The following GFRA1 variants were observed in gnomAD, a reference collection of about 807,000 sequenced individuals.
GFRA1 encodes the protein GDNF family receptor alpha-1.
A neutral mutation model predicts 51.6 loss-of-function variants in GFRA1; 16 were observed. That is an observed-to-expected ratio of 0.31 (90% CI 0.21 to 0.47). The LOEUF is 0.47. GFRA1 is among the 20% of genes least tolerant of loss of function. The pLI, the probability that GFRA1 is intolerant of heterozygous loss-of-function variation, is 1.00. For synonymous variants in GFRA1, 270 were observed against 241.3 expected (o/e 1.12, Z -1.10); for missense variants, 530 against 594.3 (o/e 0.89, Z 1.13).
chr10:116,246,723 CTACT>C (rs1227729978), intron 4 of GFRA1, among the ~76,000 whole-genome samples: 2 of 152,106 alleles, frequency 1.3e-5, no homozygotes, highest in African/African-American at 4.8e-5. Flanking sequence ...TAAAGGATGA[CTACT>C]TAATAGCAAA....
intron 5 of GFRA1, among the ~76,000 whole-genome samples, chr10:116,203,654 T>A (rs1224455349): frequency 6.6e-6 from 1 of 152,114 alleles, no homozygotes; most frequent in African/African-American, 2.4e-5. Context: ...AAGCAGGAGA[T>A]TCCCAGAAGC....
chr10:116,181,475 C>G (rs1475063180), intron 5 of GFRA1, among the ~76,000 whole-genome samples: 2 of 152,182 alleles, frequency 1.3e-5, no homozygotes, highest in African/African-American at 4.8e-5. Flanking sequence ...AACACCTGTC[C>G]TCATGCTGGA....
At chr10:116,080,258 T>C (rs1043388376) in intron 9 of GFRA1, among the ~76,000 whole-genome samples, 1 of 152,224 alleles carries the variant, frequency 6.6e-6, no homozygotes, top group Non-Finnish European at 1.5e-5. Context: ...TACTGTCATC[T>C]GCACGTTAAA....
chr10:116,215,189 C>A (rs1206882585), intron 4 of GFRA1, among the ~76,000 whole-genome samples: 1 of 151,916 alleles, frequency 6.6e-6, no homozygotes, highest in Non-Finnish European at 1.5e-5. Context: ...TTCACTTTTC[C>A]AGAATGAAAC....
At chr10:116,139,049 G>A (rs1475192966) in intron 5 of GFRA1, among the ~76,000 whole-genome samples, 4 of 152,190 alleles carry the variant, frequency 2.6e-5, no homozygotes, top group Admixed American at 2.6e-4. Context: ...TCGTGGTGTT[G>A]GGCACCAAGC....
intron 6 of GFRA1, among the ~76,000 whole-genome samples, chr10:116,109,480 T>C (rs2133960437): frequency 6.6e-6 from 1 of 152,302 alleles, no homozygotes; most frequent in South Asian, 2.1e-4. Context: ...GTTGTTACTG[T>C]TCAGTAGGGC....
chr10:116,247,562 T>C (rs1967967823), intron 4 of GFRA1, among the ~76,000 whole-genome samples: 1 of 152,086 alleles, frequency 6.6e-6, no homozygotes, highest in African/African-American at 2.4e-5. Flanking sequence ...TGGGGTGCAT[T>C]TCCACTGCTC....
At chr10:116,234,791 T>C (rs1315125319) in intron 4 of GFRA1, among the ~76,000 whole-genome samples, 1 of 152,128 alleles carries the variant, frequency 6.6e-6, no homozygotes, top group Non-Finnish European at 1.5e-5. Context: ...CCAAATCTCA[T>C]CTTGAATTGT....
chr10:116,081,554 T>C (rs528333381), intron 9 of GFRA1, among the ~76,000 whole-genome samples: 1 of 152,306 alleles, frequency 6.6e-6, no homozygotes, highest in Non-Finnish European at 1.5e-5. Flanking sequence ...CCTGATCAAG[T>C]ATCTGTGTGC....
rs574557765 is a variant in GFRA1 at position 116,062,837 on chromosome 10, A to C, written c.*1561T>G. The C allele has an allele frequency of 6.6e-6, 1 of 152,342 alleles. No individual in the cohort carries two copies. The highest frequency in any genetic ancestry group is 2.1e-4 in the South Asian group (1 of 4,818). The allele number at this position is 152,342 out of a possible 1,614,324, so 9.4% of individuals were successfully genotyped here. ...AGAAAGAGAATAATGGAAGATGATA[A>C]GTGGTTAGCAAAGCCAGATGCCTTA... On this transcript the variant is annotated 3_prime_UTR_variant, in exon 11 of 11. Coordinates refer to ENST00000355422, the MANE Select transcript of GFRA1 (RefSeq NM_005264.8).
intron 9 of GFRA1, among the ~76,000 whole-genome samples, chr10:116,088,744 C>T (rs991683952): frequency 6.6e-6 from 1 of 151,698 alleles, no homozygotes; most frequent in Non-Finnish European, 1.5e-5. Flanking sequence ...CATGGTGAAA[C>T]CACGTCTCTA....
intron 4 of GFRA1, among the ~76,000 whole-genome samples, chr10:116,260,000 C>T (rs1969180236): frequency 6.6e-6 from 1 of 152,172 alleles, no homozygotes; most frequent in South Asian, 2.1e-4. Context: ...TCTTTGCTCA[C>T]TCACCTCCCC....
In GFRA1 at chr10:116,124,391, G is replaced by A. The variant is rs950982553; in HGVS notation, c.770+830C>T. Reference sequence around the variant, plus strand: ...ATTACAGGCGCCTGCCACCATGCCCGGCTAATTTTTTGTATTTTTACTAGA... The same window carrying A: ...ATTACAGGCGCCTGCCACCATGCCCAGCTAATTTTTTGTATTTTTACTAGA... On this transcript the variant is annotated intron_variant, in intron 6 of 10. Coordinates refer to ENST00000355422, the MANE Select transcript of GFRA1 (RefSeq NM_005264.8). Among the ~76,000 whole-genome samples, 12 of 150,854 alleles carry A rather than the reference G, an allele frequency of 8.0e-5. No individual in the cohort carries two copies. The East Asian group carries it at 2.2e-3, about 27-fold the overall frequency.
intron 4 of GFRA1, among the ~76,000 whole-genome samples, chr10:116,255,393 A>G (rs1281257244): frequency 2.0e-5 from 3 of 152,134 alleles, no homozygotes; most frequent in African/African-American, 7.2e-5. Context: ...AAAAATACCC[A>G]TAGCCAGTGA....
At chr10:116,182,464 C>G (rs1291641027) in intron 5 of GFRA1, among the ~76,000 whole-genome samples, 1 of 152,176 alleles carries the variant, frequency 6.6e-6, no homozygotes, top group African/African-American at 2.4e-5. Context: ...TAAACAAACA[C>G]TTGTGAAAGT....
chr10:116,157,895 G>C (rs376147983), intron 5 of GFRA1, among the ~76,000 whole-genome samples: 1 of 152,184 alleles, frequency 6.6e-6, no homozygotes, highest in Non-Finnish European at 1.5e-5. Context: ...GATGGGGTGA[G>C]AGAAGCATCT....
chr10:116,194,062 AATTT>A (rs1281552230), intron 5 of GFRA1, among the ~76,000 whole-genome samples: 5 of 33,282 alleles, frequency 1.5e-4, no homozygotes, highest in South Asian at 1.8e-3. Context: ...AAATAAATAA[AATTT>A]AAAAAAAAAA....
chr10:116,101,090 A>G (rs1204161430), intron 6 of GFRA1, among the ~76,000 whole-genome samples: 7 of 152,200 alleles, frequency 4.6e-5, no homozygotes, highest in African/African-American at 1.7e-4. Flanking sequence ...CCAGTCACCA[A>G]CTGCAGCCTG....
At chr10:116,088,920 C>CAG in intron 9 of GFRA1, among the ~76,000 whole-genome samples, 1 of 49,012 alleles carries the variant, frequency 2.0e-5, no homozygotes, top group Admixed American at 3.9e-4. Context: ...GACTCTGTCT[C>CAG]AAAAAAAAAA....
Sources: allele counts gnomAD v4.1 joint callset (sites outside exome capture counted in the v4.1 genomes callset), GRCh38; gene constraint gnomAD v4.1.1; transcripts MANE v1.5; gene names NCBI Gene and HGNC (gene_info 2026-07-23, HGNC 2026-07-21).